Variants in PHGDH observed in about 807,000 individuals in gnomAD.
PHGDH encodes phosphoglycerate dehydrogenase, also known as D-3-phosphoglycerate dehydrogenase.
Under a neutral mutation model 52.6 loss-of-function variants are expected in PHGDH, and 50 were observed. The observed-to-expected ratio is 0.95, with a 90% CI of 0.76 to 1.20. The LOEUF (loss-of-function observed/expected upper bound fraction) is 1.20. Among genes scored for constraint, PHGDH ranks in the 50% most tolerant of loss-of-function variants. The probability of loss-of-function intolerance (pLI) is 0.00; values close to 1 mark genes in which losing one functional copy is unlikely to be tolerated. For synonymous variants in PHGDH, 271 were observed against 280.5 expected (o/e 0.97, Z 0.34); for missense variants, 630 against 684.6 (o/e 0.92, Z 0.89).
At chr1:119,725,761 G>A (rs587768151) in intron 3 of PHGDH, among the ~76,000 whole-genome samples, 6 of 152,248 alleles carry the variant, frequency 3.9e-5, no homozygotes, top group African/African-American at 9.6e-5. Flanking sequence ...TTGCACGCTC[G>A]CTCACTCTGA....
At chr1:119,717,200 C>G (rs1261952734) in intron 1 of PHGDH, among the ~76,000 whole-genome samples, 1 of 123,448 alleles carries the variant, frequency 8.1e-6, no homozygotes, top group African/African-American at 3.1e-5. Flanking sequence ...CCATTGCACT[C>G]CAGCCTGGGC....
In PHGDH at chr1:119,726,993, T is replaced by C; in HGVS notation, c.412-11T>C. ...ACTTCAGCTTCTTTCCTTTTGCCTG[T>C]TTGGTTGCAGTTCATGGGAACAGAG... On this transcript the variant is annotated splice_polypyrimidine_tract_variant and intron_variant, in intron 4 of 11. Coordinates refer to ENST00000641023, the MANE Select transcript of PHGDH (RefSeq NM_006623.4). The C allele has an allele frequency of 1.2e-6, 2 of 1,611,466 alleles. No homozygotes were observed. Among genetic ancestry groups the C allele is most frequent in the African/African-American group, 2.7e-5 (2 of 74,996 alleles).
chr1:119,718,683 T>C (rs1334986061), intron 1 of PHGDH, among the ~76,000 whole-genome samples: 3 of 152,096 alleles, frequency 2.0e-5, no homozygotes, highest in African/African-American at 4.8e-5. Flanking sequence ...CTCCTTGGAG[T>C]TGTGAAGAGA....
At chr1:119,725,985 T>C (rs2101168345) in intron 3 of PHGDH, among the ~76,000 whole-genome samples, 1 of 127,022 alleles carries the variant, frequency 7.9e-6, no homozygotes, top group South Asian at 2.5e-4. Context: ...TAAAATAAAG[T>C]GCTCCTTAAA....
chr1:119,744,172 C>A lies in PHGDH; in HGVS notation c.*132C>A. ...GACACTGCTTACACTGCACTCTGAC[C>A]CTGTAGTACAGCAATAACCGTCTAA... On this transcript the variant is annotated 3_prime_UTR_variant, in exon 12 of 12. Coordinates refer to ENST00000641023, the MANE Select transcript of PHGDH (RefSeq NM_006623.4). 2 of 812,330 alleles carry A rather than the reference C, an allele frequency of 2.5e-6. No individual in the cohort carries two copies. Among genetic ancestry groups the A allele is most frequent in the Non-Finnish European group, 4.3e-6 (2 of 466,172 alleles). The allele number at this position is 812,330 out of a possible 1,614,324, so 50.3% of individuals were successfully genotyped here.
intron 5 of PHGDH, among the ~76,000 whole-genome samples, chr1:119,731,504 C>A (rs1571004923): frequency 6.6e-6 from 1 of 152,166 alleles, no homozygotes. Context: ...ATGAATCCAA[C>A]TTTAGCCCAG....
At chr1:119,729,420 C>T (rs1651589845) in intron 5 of PHGDH, 1 of 152,238 alleles carries the variant, frequency 6.6e-6, no homozygotes, top group Non-Finnish European at 1.5e-5. Context: ...GAAGCAGTAA[C>T]TGGGAGACAG....
At chr1:119,714,090 T>C (rs636101) in intron 1 of PHGDH, among the ~76,000 whole-genome samples, 37,701 of 152,118 alleles carry the variant, frequency 0.25, 5,425 homozygotes, top group East Asian at 0.6. Flanking sequence ...AGCTTTCTTG[T>C]CTGTCTTTGC....
intron 5 of PHGDH, among the ~76,000 whole-genome samples, chr1:119,728,270 T>C (rs759022451): frequency 3.3e-5 from 5 of 152,192 alleles, no homozygotes; most frequent in Non-Finnish European, 5.9e-5. Context: ...GGAGGGTGCT[T>C]GTGTCCTGCC....
At chr1:119,734,811 C>A (rs751434450) in intron 6 of PHGDH, 45 bp downstream of exon 6, 1 of 1,608,204 alleles carries the variant, frequency 6.2e-7, no homozygotes, top group South Asian at 1.1e-5. Context: ...AAGCCACAGA[C>A]CAGTTAACAA....
chr1:119,721,184 T>A lies in PHGDH; in HGVS notation c.153T>A (p.Leu51=). ...TTCTGCTTCAGGACTGTGAAGGCCTTATTGTTCGCTCTGCCACCAAGGTGA... is the reference window on the plus strand; with the variant it reads ...TTCTGCTTCAGGACTGTGAAGGCCTAATTGTTCGCTCTGCCACCAAGGTGA... ...LIAELQDCEG[L]IVRSATKVTA... The change falls in exon 2 of 12, where the codon CTT becomes CTA. Residue 51 remains leucine (L), a synonymous_variant. Coordinates refer to ENST00000641023, the MANE Select transcript of PHGDH (RefSeq NM_006623.4). 6.2e-7 allele frequency: 1 copy of A among 1,614,198 alleles called. No homozygotes were observed.
chr1:119,734,940 G>C, intron 6 of PHGDH, 174 bp downstream of exon 6: 1 of 730,204 alleles, frequency 1.4e-6, no homozygotes, highest in Non-Finnish European at 2.4e-6. Flanking sequence ...AGGGGAGGGT[G>C]AGCCAGCTAG....
chr1:119,742,017 A>G lies in PHGDH; in HGVS notation c.1209+120A>G, dbSNP rs114069954. The G allele has an allele frequency of 3.3e-4, 272 of 836,790 alleles. No homozygotes were observed. In the African/African-American group the frequency reaches 3.8e-3, roughly 12 times the overall value. 51.8% of individuals were successfully genotyped at this position (836,790 alleles called of 1,614,324 possible). A position where few individuals can be genotyped will look rare whatever the true frequency, so the allele number is the denominator to read the frequency against. On this transcript the variant is annotated intron_variant, in intron 10 of 11. Transcript: ENST00000641023. ...GTCCCAGCCTTGCATCGGCCTGTCTACCTGTGAGGGGTAGCTGCAGTTTCT... is the reference window on the plus strand; with the variant it reads ...GTCCCAGCCTTGCATCGGCCTGTCTGCCTGTGAGGGGTAGCTGCAGTTTCT...
At chr1:119,721,368 C>T (rs746056443) in intron 2 of PHGDH, 47 bp downstream of exon 2, 15 of 1,579,386 alleles carry the variant, frequency 9.5e-6, no homozygotes, top group East Asian at 2.2e-5. Flanking sequence ...GGGGTGAGTG[C>T]GGAGACTGAC....
At chr1:119,726,790 T>C in intron 3 of PHGDH, 61 bp from the exon 4 acceptor site, 1 of 1,388,944 alleles carries the variant, frequency 7.2e-7, no homozygotes, top group Non-Finnish European at 1.0e-6. Context: ...TGATGTTGCA[T>C]CTCCTTCCTG....
At chr1:119,740,597 G>A (rs1264216078) in intron 9 of PHGDH, 79 bp downstream of exon 9, 2 of 1,276,946 alleles carry the variant, frequency 1.6e-6, no homozygotes, top group South Asian at 2.7e-5. Context: ...TGTATTTGCT[G>A]CAGGACACAG....
chr1:119,717,736 C>T (rs1349015513), intron 1 of PHGDH, among the ~76,000 whole-genome samples: 4 of 152,024 alleles, frequency 2.6e-5, no homozygotes, highest in Admixed American at 6.6e-5. Flanking sequence ...AATTTCTGAA[C>T]GTTTTTCCTG....
intron 5 of PHGDH, among the ~76,000 whole-genome samples, chr1:119,728,452 T>TA (rs1371940779): frequency 6.6e-6 from 1 of 152,250 alleles, no homozygotes; most frequent in Admixed American, 6.5e-5. Flanking sequence ...TACACTATGA[T>TA]ATGATTGTAG....
chr1:119,719,459 C>T (rs942427077), intron 1 of PHGDH, among the ~76,000 whole-genome samples: 2 of 152,126 alleles, frequency 1.3e-5, no homozygotes, highest in African/African-American at 4.8e-5. Context: ...GAACCTCAGA[C>T]ATAAAAGGAT....
Sources: gnomAD v4.1 joint callset for allele counts (sites outside exome capture counted in the v4.1 genomes callset) on GRCh38, gnomAD v4.1.1 for gene constraint, MANE v1.5 for transcripts, NCBI Gene and HGNC (gene_info 2026-07-23, HGNC 2026-07-21) for gene names.